SPOCK1: variants seen among roughly 807,000 people sequenced by gnomAD.
SPOCK1 encodes testican-1.
Under a neutral mutation model 55.3 loss-of-function variants are expected in SPOCK1, and 23 were observed. The observed-to-expected ratio is 0.42, with a 90% confidence interval of 0.30 to 0.59. The LOEUF (loss-of-function observed/expected upper bound fraction) is 0.59, where lower values mean the gene tolerates loss of function less well. Among genes scored for constraint, SPOCK1 ranks in the 20% least tolerant of loss-of-function variants. The pLI is 0.22. For synonymous variants in SPOCK1, 226 were observed against 221.0 expected (o/e 1.02, Z -0.20); for missense variants, 499 against 552.5 (o/e 0.90, Z 0.97).
intron 2 of SPOCK1, among the ~76,000 whole-genome samples, chr5:137,286,789 T>C (rs939025863): frequency 7.9e-5 from 12 of 152,150 alleles, no homozygotes; most frequent in African/African-American, 2.9e-4. Flanking sequence ...TAGGATAGAA[T>C]TTTGCAGTAA....
intron 2 of SPOCK1, among the ~76,000 whole-genome samples, chr5:137,323,628 G>A (rs1162483575): frequency 6.6e-6 from 1 of 151,658 alleles, no homozygotes; most frequent in Non-Finnish European, 1.5e-5. Context: ...TCAAATAACA[G>A]CAAGAAAACA....
chr5:137,391,001 T>C (rs1320792839), intron 2 of SPOCK1, among the ~76,000 whole-genome samples: 1 of 152,160 alleles, frequency 6.6e-6, no homozygotes, highest in African/African-American at 2.4e-5. Context: ...CAACCCGTCA[T>C]GTAGGTTTTA....
At chr5:137,303,065 A>G (rs1580855916) in intron 2 of SPOCK1, among the ~76,000 whole-genome samples, 1 of 152,278 alleles carries the variant, frequency 6.6e-6, no homozygotes, top group Middle Eastern at 3.4e-3. Context: ...GCTAGTGAGG[A>G]GTGCAAACTG....
chr5:137,194,502 G>A (rs1755259934), intron 3 of SPOCK1, among the ~76,000 whole-genome samples: 1 of 152,240 alleles, frequency 6.6e-6, no homozygotes, highest in African/African-American at 2.4e-5. Flanking sequence ...TGAGGGTGGG[G>A]GGCCAGGCAA....
chr5:137,118,891 T>C (rs1042267671), intron 4 of SPOCK1, among the ~76,000 whole-genome samples: 5 of 152,198 alleles, frequency 3.3e-5, no homozygotes, highest in African/African-American at 1.2e-4. Context: ...TTCCAGATAA[T>C]GAAGACCAGC....
chr5:137,438,172 G>A (rs915878126), intron 2 of SPOCK1, among the ~76,000 whole-genome samples: 1 of 151,994 alleles, frequency 6.6e-6, no homozygotes, highest in Non-Finnish European at 1.5e-5. Flanking sequence ...GGCAGTGAGG[G>A]AAGAAGTAGG....
At chr5:137,192,557 T>TGGGCAGGGGCAA (rs1349374222) in intron 3 of SPOCK1, among the ~76,000 whole-genome samples, 2 of 152,222 alleles carry the variant, frequency 1.3e-5, no homozygotes, top group Admixed American at 6.5e-5. Flanking sequence ...GTCCCTAGCA[T>TGGGCAGGGGCAA]GGGCAGGGGC....
chr5:137,249,041 A>G (rs1451979670), intron 3 of SPOCK1, among the ~76,000 whole-genome samples: 4 of 152,238 alleles, frequency 2.6e-5, no homozygotes, highest in Non-Finnish European at 5.9e-5. Context: ...TATTTTGAAG[A>G]TGAAACACAA....
chr5:137,079,512 T>A (rs1752834254), intron 5 of SPOCK1, among the ~76,000 whole-genome samples: 1 of 140,522 alleles, frequency 7.1e-6, no homozygotes, highest in Non-Finnish European at 1.5e-5. Context: ...TTTGACTGTC[T>A]CTCCTACCAT....
chr5:137,487,287 T>C lies in SPOCK1; in HGVS notation c.186+11086A>G, dbSNP rs550947223. Among the ~76,000 whole-genome samples the C allele has an allele frequency of 4.8e-5, 7 of 147,232 alleles. No homozygotes were observed. The South Asian group carries it at 1.5e-3, about 31-fold the overall frequency. ...TGCTCATAAATTTTCTAAACTTTGA[T>C]GAGTCCTTTTTTAGGGGGCAGGGGA... On this transcript the variant is annotated intron_variant, in intron 2 of 10. Transcript: ENST00000394945.
chr5:137,218,632 T>C (rs1755764374), intron 3 of SPOCK1, among the ~76,000 whole-genome samples: 1 of 152,168 alleles, frequency 6.6e-6, no homozygotes, highest in Non-Finnish European at 1.5e-5. Flanking sequence ...GCTGGGAAAA[T>C]TGACAAGTTG....
At chr5:137,126,675 T>C (rs1394320084) in intron 4 of SPOCK1, among the ~76,000 whole-genome samples, 1 of 152,050 alleles carries the variant, frequency 6.6e-6, no homozygotes, top group African/African-American at 2.4e-5. Flanking sequence ...GGCAGGGGAA[T>C]CACTTGAACC....
At chr5:137,005,681 A>C (rs945959929) in intron 6 of SPOCK1, among the ~76,000 whole-genome samples, 2 of 152,172 alleles carry the variant, frequency 1.3e-5, no homozygotes, top group African/African-American at 4.8e-5. Context: ...AGGATGCCAG[A>C]AATGAGAAGA....
intron 2 of SPOCK1, among the ~76,000 whole-genome samples, chr5:137,416,250 A>G (rs1752325296): frequency 6.6e-6 from 1 of 152,046 alleles, no homozygotes. Flanking sequence ...TTTTTCAGAC[A>G]TACAAAACCT....
intron 2 of SPOCK1, among the ~76,000 whole-genome samples, chr5:137,377,518 G>GA (rs1751344915): frequency 6.6e-6 from 1 of 152,158 alleles, no homozygotes; most frequent in East Asian, 1.9e-4. Flanking sequence ...TTTAACTTTA[G>GA]AAAAATATTT....
intron 2 of SPOCK1, among the ~76,000 whole-genome samples, chr5:137,331,104 C>T (rs962412237): frequency 7.2e-5 from 11 of 152,148 alleles, no homozygotes; most frequent in South Asian, 2.1e-4. Flanking sequence ...TCAAAGGAGG[C>T]CTGCTCTTCA....
chr5:137,410,435 G>A (rs1034970496), intron 2 of SPOCK1, among the ~76,000 whole-genome samples: 1 of 152,196 alleles, frequency 6.6e-6, no homozygotes, highest in Admixed American at 6.5e-5. Context: ...TTTTTAAGAT[G>A]TTATGAGCAG....
intron 6 of SPOCK1, among the ~76,000 whole-genome samples, chr5:137,006,329 A>G (rs1013945270): frequency 4.6e-5 from 7 of 152,158 alleles, no homozygotes; most frequent in Admixed American, 1.3e-4. Context: ...GATTCTTCCT[A>G]TCCATGAGCA....
At chr5:137,308,500 A>G (rs1379651980) in intron 2 of SPOCK1, among the ~76,000 whole-genome samples, 1 of 152,204 alleles carries the variant, frequency 6.6e-6, no homozygotes, top group East Asian at 1.9e-4. Context: ...GCAGTGAGAG[A>G]GCAGTGCCAT....
Sources: allele counts gnomAD v4.1 joint callset (sites outside exome capture counted in the v4.1 genomes callset), GRCh38; gene constraint gnomAD v4.1.1; transcripts MANE v1.5; gene names NCBI Gene and HGNC (gene_info 2026-07-23, HGNC 2026-07-21).